The following JPH3 variants were observed in gnomAD, a reference collection of about 807,000 sequenced individuals.
JPH3 encodes junctophilin 3.
In JPH3, 11 loss-of-function variants were observed where a neutral mutation model predicts 59.6. The ratio of observed to expected loss-of-function variants is 0.18; its 90% CI spans 0.12 to 0.31. The LOEUF is 0.31. Among genes scored for constraint, JPH3 ranks in the 10% least tolerant of loss-of-function variants. The pLI is 1.00. For missense variants in JPH3, 1,202 were observed against 1,105.7 expected (o/e 1.09, Z -1.24); for synonymous variants, 673 against 483.6 (o/e 1.39, Z -5.14).
intron 1 of JPH3, among the ~76,000 whole-genome samples, chr16:87,623,006 G>A (rs935024883): frequency 6.6e-6 from 1 of 152,144 alleles, no homozygotes; most frequent in African/African-American, 2.4e-5. Context: ...GGGGGACCTG[G>A]TGGAGGTCGG....
rs1389031570 is a variant in JPH3, at chr16:87,690,256, G to C, written c.1896G>C (p.Lys632Asn). ...ETHPQKRRYS[K>N]GGACRGLGDD... ...ATCCCCAGAAAAGACGCTACAGCAA[G>C]GGCGGCGCCTGCCGGGGCTTGGGGG... The change falls in exon 4 of 5, where the codon AAG becomes AAC. Residue 632 changes from lysine (K) to asparagine (N), a missense_variant. Lys to Asn is a moderately conservative substitution (Grantham distance 94, BLOSUM62 0). Coordinates refer to ENST00000284262, the MANE Select transcript of JPH3 (RefSeq NM_020655.4). 6.2e-7 allele frequency: 1 copy of C among 1,603,928 alleles called. No individual in the cohort carries two copies. The highest frequency in any genetic ancestry group is 8.5e-7 in the Non-Finnish European group (1 of 1,175,830).
At chr16:87,637,910 T>G (rs543132269) in intron 1 of JPH3, among the ~76,000 whole-genome samples, 1 of 152,080 alleles carries the variant, frequency 6.6e-6, no homozygotes, top group Non-Finnish European at 1.5e-5. Context: ...TTTGTGTTTT[T>G]CTTTAAAAAA....
chr16:87,601,868 G>T (rs532419636), upstream of JPH3: 1 of 152,312 alleles, frequency 6.6e-6, no homozygotes, highest in Middle Eastern at 3.4e-3. Context: ...AGATACACGC[G>T]TGTGTCCCGA....
At chr16:87,650,931 T>G (rs1412809475) in intron 2 of JPH3, among the ~76,000 whole-genome samples, 4 of 152,256 alleles carry the variant, frequency 2.6e-5, no homozygotes, top group African/African-American at 9.6e-5. Context: ...AGATTTTCAG[T>G]GTCGATGGAA....
intron 1 of JPH3, among the ~76,000 whole-genome samples, chr16:87,638,778 G>C (rs974405647): frequency 1.3e-5 from 2 of 152,192 alleles, no homozygotes; most frequent in Non-Finnish European, 2.9e-5. Flanking sequence ...TCCAGCCATA[G>C]AGTGCTGAGA....
At position 87,603,344 on chromosome 16, in the gene JPH3, G is replaced by T. The variant is rs138726707; in HGVS notation, c.198G>T (p.Ala66=). ...GCAACACGTACCAGGGCACCTGGGC[G>T]CAGGGCAAGCGCCACGGCATCGGCC... is the stretch of plus-strand genomic sequence containing the variant. The part of the protein sequence containing the change: ...PSGNTYQGTW[A]QGKRHGIGLE... The change falls in exon 1 of 5, where the codon GCG becomes GCT. Residue 66 remains alanine (A), a synonymous_variant. Transcript: ENST00000284262. The T allele has an allele frequency of 1.2e-6, 2 of 1,612,658 alleles. No homozygotes were observed. Among genetic ancestry groups the T allele is most frequent in the African/African-American group, 2.7e-5 (2 of 74,918 alleles).
rs373718355 is a variant in JPH3, at chr16:87,603,364, T to C, written c.218T>C (p.Ile73Thr). 6.2e-7 allele frequency: 1 copy of C among 1,611,352 alleles called. No homozygotes were observed. Among genetic ancestry groups the C allele is most frequent in the Non-Finnish European group, 8.5e-7 (1 of 1,178,994 alleles). The change falls in exon 1 of 5, where the codon ATC (isoleucine) becomes ACC (threonine). Residue 73 changes from isoleucine to threonine, a missense_variant. Transcript: ENST00000284262. ...TGGGCGCAGGGCAAGCGCCACGGCA[T>C]CGGCCTGGAGAGCAAGGGGAAGTGG... Reference protein sequence around the residue: ...GTWAQGKRHGIGLESKGKWVY... With the variant: ...GTWAQGKRHGTGLESKGKWVY...
chr16:87,688,428 G>A (rs557242949), intron 3 of JPH3, among the ~76,000 whole-genome samples: 38 of 152,052 alleles, frequency 2.5e-4, no homozygotes, highest in African/African-American at 8.0e-4. Context: ...GTGCCACACC[G>A]AGGGTAGCCA....
At chr16:87,613,529 C>T (rs1164029645) in intron 1 of JPH3, among the ~76,000 whole-genome samples, 2 of 152,150 alleles carry the variant, frequency 1.3e-5, no homozygotes, top group African/African-American at 4.8e-5. Context: ...CCATGTTGGC[C>T]AGACTGGTCT....
At chr16:87,624,744 ACT>A (rs760096462) in intron 1 of JPH3, among the ~76,000 whole-genome samples, 1 of 151,854 alleles carries the variant, frequency 6.6e-6, no homozygotes, top group Non-Finnish European at 1.5e-5. Context: ...TCTGGGCCCA[ACT>A]CTCTGAGAAG....
intron 2 of JPH3, chr16:87,654,742 C>G (rs183856831): frequency 4.6e-5 from 7 of 152,418 alleles, no homozygotes; most frequent in South Asian, 2.1e-4. Context: ...CCCACACGCT[C>G]GCTGCGCAGT....
At chr16:87,665,695 GC>G (rs1212328787) in intron 2 of JPH3, among the ~76,000 whole-genome samples, 1 of 152,214 alleles carries the variant, frequency 6.6e-6, no homozygotes, top group Non-Finnish European at 1.5e-5. Context: ...AACAACCACG[GC>G]TCAGCATGGT....
intron 1 of JPH3, among the ~76,000 whole-genome samples, chr16:87,623,543 A>G (rs180869438): frequency 2.0e-4 from 31 of 152,324 alleles, no homozygotes; most frequent in South Asian, 6.2e-4. Context: ...ATTTCAAGTA[A>G]AGCTTAGTGA....
intron 2 of JPH3, among the ~76,000 whole-genome samples, chr16:87,650,083 C>T (rs534523552): frequency 5.9e-5 from 9 of 152,324 alleles, no homozygotes; most frequent in South Asian, 2.1e-4. Context: ...GCTTTGCAGA[C>T]GCTGTGTTTT....
At chr16:87,694,952 C>T in intron 4 of JPH3, 1 of 277,554 alleles carries the variant, frequency 3.6e-6, no homozygotes, top group Non-Finnish European at 7.1e-6. Flanking sequence ...GTTCATCCTC[C>T]ACTGGACAGC....
chr16:87,696,820 CCTTT>C lies in JPH3; in HGVS notation c.*161_*164del. 1 of 644,628 alleles carries C rather than the reference CCTTT, an allele frequency of 1.6e-6. No individual in the cohort carries two copies. The highest frequency in any genetic ancestry group is 1.9e-5 in the South Asian group (1 of 53,960). The allele number at this position is 644,628 out of a possible 1,614,324, so 39.9% of individuals were successfully genotyped here. On this transcript the variant is annotated 3_prime_UTR_variant, in exon 5 of 5. Transcript: ENST00000284262. ...ACGATTGGGTATCACTCACAGTTTGCCTTTTTTTCTGGGTAATGTTTTTTGGATT... is the reference window on the plus strand; with the variant it reads ...ACGATTGGGTATCACTCACAGTTTGCTTTTCTGGGTAATGTTTTTTGGATT...
At chr16:87,676,676 G>C (rs1329723676) in intron 2 of JPH3, among the ~76,000 whole-genome samples, 1 of 152,006 alleles carries the variant, frequency 6.6e-6, no homozygotes, top group Non-Finnish European at 1.5e-5. Context: ...GGAGCTCGCA[G>C]TGAGCTGAGA....
At chr16:87,671,704 T>C (rs1490493767) in intron 2 of JPH3, among the ~76,000 whole-genome samples, 8 of 151,950 alleles carry the variant, frequency 5.3e-5, no homozygotes, top group Non-Finnish European at 1.0e-4. Flanking sequence ...CCCCACCCCT[T>C]GGTGTTGCCG....
chr16:87,612,578 C>T (rs979748674), intron 1 of JPH3, among the ~76,000 whole-genome samples: 2 of 152,152 alleles, frequency 1.3e-5, no homozygotes, highest in African/African-American at 4.8e-5. Flanking sequence ...GGGGTCCATC[C>T]AAGACCACTG....
Sources: gnomAD v4.1 joint callset for allele counts (sites outside exome capture counted in the v4.1 genomes callset) on GRCh38, gnomAD v4.1.1 for gene constraint, MANE v1.5 for transcripts, NCBI Gene and HGNC (gene_info 2026-07-23, HGNC 2026-07-21) for gene names.